The following EDDM13 variants were observed in gnomAD, a reference collection of about 807,000 sequenced individuals.
EDDM13 encodes epididymal protein 13.
Under a neutral mutation model 17.8 loss-of-function variants are expected in EDDM13, and 24 were observed. The ratio of observed to expected loss-of-function variants is 1.35; its 90% CI spans 0.98 to 1.90. The LOEUF (loss-of-function observed/expected upper bound fraction) is 1.90, where lower values mean the gene tolerates loss of function less well. EDDM13 is among the 40% of genes most tolerant of loss of function. The pLI is 0.00. For synonymous variants in EDDM13, 31 were observed against 37.5 expected (o/e 0.83, Z 0.63); for missense variants, 97 against 100.8 (o/e 0.96, Z 0.16).
chr19:56,305,610 A>G (rs974454596), intron 14 of EDDM13, among the ~76,000 whole-genome samples: 3 of 152,332 alleles, frequency 2.0e-5, no homozygotes, highest in African/African-American at 2.4e-5. Context: ...GCTAGGTCAT[A>G]TGATAATTCT....
chr19:56,289,107 A>G (rs1306450234), intron 8 of EDDM13, among the ~76,000 whole-genome samples: 2 of 152,128 alleles, frequency 1.3e-5, no homozygotes, highest in Non-Finnish European at 2.9e-5. Context: ...GCAAGGGGAG[A>G]GTGGGAAAGG....
chr19:56,292,004 G>A (rs758758), intron 9 of EDDM13, among the ~76,000 whole-genome samples: 66,720 of 151,990 alleles, frequency 0.44, 15,538 homozygotes, highest in Admixed American at 0.52. Flanking sequence ...ATCTGCACTT[G>A]ACTGAGGTAT....
At chr19:56,296,552 T>C (rs2039889293) in intron 11 of EDDM13, 190 bp downstream of exon 11, 1 of 152,080 alleles carries the variant, frequency 6.6e-6, no homozygotes, top group Admixed American at 6.6e-5. Context: ...TTAGCTCTCC[T>C]GTACCAAATG....
chr19:56,282,787 G>A (rs1282233500), intron 4 of EDDM13, among the ~76,000 whole-genome samples: 1 of 152,192 alleles, frequency 6.6e-6, no homozygotes, highest in Non-Finnish European at 1.5e-5. Context: ...GCTCAATTCA[G>A]GTCTACCTGA....
At chr19:56,293,658 A>C (rs1468787067) in intron 9 of EDDM13, among the ~76,000 whole-genome samples, 1 of 152,170 alleles carries the variant, frequency 6.6e-6, no homozygotes, top group Non-Finnish European at 1.5e-5. Flanking sequence ...TGTGAGGAGT[A>C]AACAGGATCA....
chr19:56,282,631 G>A (rs2038800292), intron 4 of EDDM13, 132 bp downstream of exon 4: 1 of 361,786 alleles, frequency 2.8e-6, no homozygotes, highest in African/African-American at 2.2e-5. Context: ...AGCGGAACTA[G>A]TAAAACCAAG....
chr19:56,305,359 G>A (rs2040617164), intron 14 of EDDM13, among the ~76,000 whole-genome samples: 1 of 152,130 alleles, frequency 6.6e-6, no homozygotes, highest in Non-Finnish European at 1.5e-5. Flanking sequence ...TTGCATCTGG[G>A]TTTATTCATT....
rs114851011 is a variant in EDDM13 at position 56,288,434 on chromosome 19, G to A, written c.204G>A (p.Pro68=). Among the ~76,000 whole-genome samples the A allele has an allele frequency of 3.5e-3, 530 of 152,192 alleles. 8 individuals carry two copies. Among genetic ancestry groups the A allele is most frequent in the African/African-American group, 0.012 (500 of 41,538 alleles). ...TCAAGATGCCTCCCCTGGTGTCCCC[G>A]CAAGGTTAGCAACCATCACCCCCTT... ...TSLKMPPLVS[P]QDRTEEEIKK... is the part of the protein sequence containing the mutation. The change falls in exon 7 of 15, where the codon CCG becomes CCA. Residue 68 remains proline, a synonymous_variant. Coordinates refer to ENST00000649256, the MANE Select transcript of EDDM13 (RefSeq NM_001354658.2).
intron 9 of EDDM13, among the ~76,000 whole-genome samples, chr19:56,294,342 GC>G (rs1237923828): frequency 2.6e-5 from 4 of 152,200 alleles, no homozygotes; most frequent in African/African-American, 7.2e-5. Context: ...AGGCAAAGAG[GC>G]CTGGGTGGGA....
chr19:56,281,191 G>T (rs1318102091), intron 2 of EDDM13, among the ~76,000 whole-genome samples: 1 of 152,102 alleles, frequency 6.6e-6, no homozygotes, highest in African/African-American at 2.4e-5. Flanking sequence ...CATTATCAAG[G>T]TCTTCATCCT....
chr19:56,292,955 C>A (rs1264829455), intron 9 of EDDM13, among the ~76,000 whole-genome samples: 1 of 152,176 alleles, frequency 6.6e-6, no homozygotes, highest in Non-Finnish European at 1.5e-5. Context: ...ATTTTTTAAT[C>A]CAATCATCCA....
intron 1 of EDDM13, among the ~76,000 whole-genome samples, chr19:56,273,331 C>T (rs1338624103): frequency 1.3e-5 from 2 of 152,172 alleles, no homozygotes; most frequent in Admixed American, 6.5e-5. Flanking sequence ...ACTTTTGCGA[C>T]GTAAAGACAC....
chr19:56,282,583 C>T (rs1035159011), intron 4 of EDDM13, 84 bp downstream of exon 4: 6 of 837,800 alleles, frequency 7.2e-6, no homozygotes, highest in African/African-American at 1.8e-5. Flanking sequence ...CTTCGACTTA[C>T]GTTTCTTCTC....
At chr19:56,294,009 C>T (rs1250072840) in intron 9 of EDDM13, among the ~76,000 whole-genome samples, 1 of 152,230 alleles carries the variant, frequency 6.6e-6, no homozygotes. Context: ...GCAGGAGGCC[C>T]CTCTGCCTTG....
intron 9 of EDDM13, among the ~76,000 whole-genome samples, chr19:56,292,810 C>A (rs112140130): frequency 1.3e-5 from 2 of 152,316 alleles, no homozygotes; most frequent in South Asian, 4.1e-4. Flanking sequence ...GAAGTAGAAT[C>A]GTACACGATG....
chr19:56,278,223 G>A (rs909726500), intron 2 of EDDM13, among the ~76,000 whole-genome samples: 1 of 152,062 alleles, frequency 6.6e-6, no homozygotes, highest in Non-Finnish European at 1.5e-5. Flanking sequence ...CTGGGTTCAA[G>A]CAATTATCTT....
At chr19:56,275,890 C>T (rs1004979778) in intron 1 of EDDM13, among the ~76,000 whole-genome samples, 1 of 152,182 alleles carries the variant, frequency 6.6e-6, no homozygotes, top group Non-Finnish European at 1.5e-5. Context: ...GGATGATGAA[C>T]GAATGGACTT....
intron 9 of EDDM13, among the ~76,000 whole-genome samples, chr19:56,294,275 C>T (rs375353998): frequency 8.3e-4 from 127 of 152,340 alleles, no homozygotes; most frequent in African/African-American, 2.9e-3. Flanking sequence ...CTCTTTCTCC[C>T]GGACCCTCAC....
intron 8 of EDDM13, among the ~76,000 whole-genome samples, 63 bp from the exon 9 acceptor site, chr19:56,290,778 T>C (rs1031787712): frequency 6.6e-6 from 1 of 152,238 alleles, no homozygotes; most frequent in Non-Finnish European, 1.5e-5. Context: ...CTGCTGATTC[T>C]ATTCTCTTGC....
Sources: gnomAD v4.1 joint callset for allele counts (sites outside exome capture counted in the v4.1 genomes callset) on GRCh38, gnomAD v4.1.1 for gene constraint, MANE v1.5 for transcripts, NCBI Gene and HGNC (gene_info 2026-07-23, HGNC 2026-07-21) for gene names.